The following FANCB variants were observed in gnomAD, a reference collection of about 807,000 sequenced individuals.
FANCB encodes the protein FA complementation group B.
FANCB carries 5 observed loss-of-function variants against 38.9 expected under a neutral mutation model. The ratio of observed to expected loss-of-function variants is 0.13; its 90% confidence interval spans 0.07 to 0.27. The LOEUF (loss-of-function observed/expected upper bound fraction) is 0.27. Ranked by LOEUF, FANCB falls within the 10% of genes least tolerant of loss-of-function variation. The pLI is 1.00. For synonymous variants in FANCB, 236 were observed against 215.4 expected (o/e 1.10, Z -0.84); for missense variants, 573 against 602.7 (o/e 0.95, Z 0.52).
the FANCB span, among the ~76,000 whole-genome samples, chrX:14,716,351 A>G: frequency 9.0e-6 from 1 of 111,658 alleles, no homozygotes; most frequent in Non-Finnish European, 1.9e-5. Context: ...TATAGTAAAG[A>G]TGTGAATTCA....
At chrX:14,760,284 G>C in the FANCB span, among the ~76,000 whole-genome samples, 6 of 112,107 alleles carry the variant, frequency 5.4e-5, no homozygotes, top group Non-Finnish European at 1.1e-4. Flanking sequence ...TATGCTAAAT[G>C]GAATAAACCA....
At chrX:14,752,980 G>GACACACACACAC in the FANCB span, among the ~76,000 whole-genome samples, 1 of 68,471 alleles carries the variant, frequency 1.5e-5, no homozygotes, top group Non-Finnish European at 2.9e-5. Context: ...CTCTCTCTCT[G>GACACACACACAC]ACACACACAC....
chrX:14,700,214 T>C, the FANCB span, among the ~76,000 whole-genome samples: 3 of 111,043 alleles, frequency 2.7e-5, no homozygotes, highest in Admixed American at 1.9e-4. Context: ...GTCATTAGGA[T>C]ATAGATGGAG....
chrX:14,849,875 C>T lies in FANCB; in HGVS notation c.1496+630G>A, dbSNP rs747036741. Among the ~76,000 whole-genome samples the T allele has an allele frequency of 5.4e-5, 6 of 111,887 alleles. No individual in the cohort carries two copies. In the South Asian group the frequency reaches 1.9e-3, roughly 35 times the overall value. The stretch of plus-strand genomic sequence containing the variant: ...TGGCCAAGAGAGTAGCTATTAGATA[C>T]ATGTGGCTATTAAGCACTAGAAATG... On this transcript the variant is annotated intron_variant, in intron 7 of 9. Coordinates refer to ENST00000650831, the MANE Select transcript of FANCB (RefSeq NM_001018113.3).
At chrX:14,712,055 GCCATCTAGCTTT>G in the FANCB span, among the ~76,000 whole-genome samples, 2 of 112,787 alleles carry the variant, frequency 1.8e-5, no homozygotes, top group Non-Finnish European at 3.8e-5. Flanking sequence ...AGAAAAAAAT[GCCATCTAGCTTT>G]CCTTCAATTG....
chrX:14,703,834 C>T, the FANCB span, among the ~76,000 whole-genome samples: 1 of 111,711 alleles, frequency 9.0e-6, no homozygotes, highest in South Asian at 3.9e-4. Flanking sequence ...CATTTGGCAA[C>T]CATGGTCACC....
At chrX:14,794,335 C>T in the FANCB span, among the ~76,000 whole-genome samples, 1 of 110,863 alleles carries the variant, frequency 9.0e-6, no homozygotes, top group Non-Finnish European at 1.9e-5. Flanking sequence ...TGTGATGTTG[C>T]TATTAAACTA....
the FANCB span, among the ~76,000 whole-genome samples, chrX:14,721,216 A>C: frequency 4.5e-5 from 5 of 110,892 alleles, no homozygotes; most frequent in Non-Finnish European, 7.5e-5. Context: ...TTTCAAGATA[A>C]ACCCTGTTTT....
At chrX:14,813,450 T>C in the FANCB span, among the ~76,000 whole-genome samples, 11 of 111,879 alleles carry the variant, frequency 9.8e-5, no homozygotes, top group East Asian at 1.7e-3. Flanking sequence ...CTTAAGCTGA[T>C]AGGCAGCTTC....
intron 5 of FANCB, 30 bp downstream of exon 5, chrX:14,857,832 G>T (rs759214492): frequency 1.4e-5 from 14 of 985,205 alleles, no homozygotes; most frequent in Non-Finnish European, 2.0e-5. Context: ...AACACTAATC[G>T]AAAAGCAAAA....
intron 2 of FANCB, among the ~76,000 whole-genome samples, chrX:14,867,512 G>A (rs1040574936): frequency 1.8e-5 from 2 of 111,115 alleles, no homozygotes; most frequent in African/African-American, 6.5e-5. Flanking sequence ...AAATGGTGGT[G>A]CTGGGAAACT....
At chrX:14,703,539 G>A in the FANCB span, among the ~76,000 whole-genome samples, 1 of 111,742 alleles carries the variant, frequency 8.9e-6, no homozygotes, top group Non-Finnish European at 1.9e-5. Flanking sequence ...AAGCCCCTCT[G>A]CTTTGTAGGA....
chrX:14,745,491 C>T, the FANCB span, among the ~76,000 whole-genome samples: 1 of 109,721 alleles, frequency 9.1e-6, no homozygotes, highest in African/African-American at 3.3e-5. Context: ...GTGCTGGAGC[C>T]ACCTCAATCT....
the FANCB span, among the ~76,000 whole-genome samples, chrX:14,785,404 C>G: frequency 8.9e-6 from 1 of 112,260 alleles, no homozygotes; most frequent in African/African-American, 3.2e-5. Context: ...TCTTACACCA[C>G]CTGCTATGGC....
chrX:14,803,579 T>C, the FANCB span, among the ~76,000 whole-genome samples: 5 of 112,282 alleles, frequency 4.5e-5, no homozygotes, highest in South Asian at 1.1e-3. Context: ...AATGAAGAAA[T>C]TACATTTCGA....
chrX:14,824,327 G>A, the FANCB span, among the ~76,000 whole-genome samples: 1 of 111,705 alleles, frequency 9.0e-6, no homozygotes, highest in African/African-American at 3.3e-5. Flanking sequence ...ACACAAGTAT[G>A]TCTACCATAC....
chrX:14,787,876 A>AATATATATATATATATAT, the FANCB span, among the ~76,000 whole-genome samples: 1 of 41,702 alleles, frequency 2.4e-5, no homozygotes, highest in Non-Finnish European at 3.9e-5. Context: ...TTAAAAATAG[A>AATATATATATATATATAT]ATATATATAT....
the FANCB span, among the ~76,000 whole-genome samples, chrX:14,797,824 G>A: frequency 0.028 from 3,067 of 110,932 alleles, 99 homozygotes; most frequent in African/African-American, 0.095. Flanking sequence ...ACCACATCTC[G>A]GGAGCTTAAA....
At chrX:14,690,139 A>T in the FANCB span, among the ~76,000 whole-genome samples, 1 of 111,778 alleles carries the variant, frequency 8.9e-6, no homozygotes, top group Non-Finnish European at 1.9e-5. Flanking sequence ...GGCCATATAT[A>T]GTTTATTTCT....
Sources: gnomAD v4.1 joint callset for allele counts (sites outside exome capture counted in the v4.1 genomes callset) on GRCh38, gnomAD v4.1.1 for gene constraint, MANE v1.5 for transcripts, NCBI Gene and HGNC (gene_info 2026-07-23, HGNC 2026-07-21) for gene names.